CELF1: variants seen among roughly 807,000 people sequenced by gnomAD.
CELF1 encodes the protein 50 kDa nuclear polyadenylated RNA-binding protein.
A neutral mutation model predicts 61.8 loss-of-function variants in CELF1; 10 were observed. The ratio of observed to expected loss-of-function variants is 0.16; its 90% CI spans 0.10 to 0.27. The LOEUF is 0.27. CELF1 is among the 10% of genes least tolerant of loss of function. The probability of loss-of-function intolerance (pLI) is 1.00; values close to 1 mark genes in which losing one functional copy is unlikely to be tolerated. For missense variants in CELF1, 380 were observed against 639.1 expected (o/e 0.59, Z 4.37); for synonymous variants, 236 against 225.1 (o/e 1.05, Z -0.43).
At chr11:47,532,035 A>T (rs1002352148) in intron 1 of CELF1, among the ~76,000 whole-genome samples, 11 of 145,062 alleles carry the variant, frequency 7.6e-5, no homozygotes, top group East Asian at 4.0e-4. Context: ...TCTTATTTTT[A>T]TTTTTTTTTT....
chr11:47,550,757 T>A (rs904455489), intron 1 of CELF1, among the ~76,000 whole-genome samples: 17 of 151,960 alleles, frequency 1.1e-4, no homozygotes, highest in Non-Finnish European at 7.4e-5. Flanking sequence ...TAGAAAAAAA[T>A]CATTTTGGCT....
At chr11:47,545,855 G>A (rs568055259) in intron 1 of CELF1, among the ~76,000 whole-genome samples, 1 of 125,390 alleles carries the variant, frequency 8.0e-6, no homozygotes, top group African/African-American at 2.9e-5. Context: ...GTATACGTGT[G>A]TGTGTGTGTG....
intron 3 of CELF1, chr11:47,494,446 AT>A (rs2153516523): frequency 1.0e-6 from 1 of 982,640 alleles, no homozygotes; most frequent in Non-Finnish European, 1.2e-6. Context: ...GAAACATACT[AT>A]GAGAAAATAC....
At chr11:47,512,175 T>C (rs1440799667) in intron 1 of CELF1, among the ~76,000 whole-genome samples, 1 of 151,278 alleles carries the variant, frequency 6.6e-6, no homozygotes. Flanking sequence ...TGTTTTGAGA[T>C]GGAGTCCCGC....
chr11:47,553,187 G>C (rs980205500), upstream of CELF1: 7 of 392,242 alleles, frequency 1.8e-5, no homozygotes, highest in East Asian at 3.6e-5. Context: ...CAGAGGAGGA[G>C]GGGGAGCGCG....
intron 1 of CELF1, among the ~76,000 whole-genome samples, chr11:47,512,926 A>G (rs918951335): frequency 1.3e-5 from 2 of 152,180 alleles, no homozygotes; most frequent in African/African-American, 4.8e-5. Context: ...TAGGCTAAAC[A>G]GACTAAACTT....
chr11:47,561,550 T>C (rs978225863), intron 2 of CELF1, among the ~76,000 whole-genome samples: 1 of 151,516 alleles, frequency 6.6e-6, no homozygotes, highest in Non-Finnish European at 1.5e-5. Flanking sequence ...TGTGGCAACA[T>C]TGGAACCCTC....
chr11:47,494,786 C>A (rs555027552), intron 3 of CELF1, among the ~76,000 whole-genome samples: 1 of 152,328 alleles, frequency 6.6e-6, no homozygotes, highest in Non-Finnish European at 1.5e-5. Context: ...TATAGCTGCA[C>A]TGAGCAATAC....
chr11:47,496,016 A>G, intron 3 of CELF1: 1 of 985,178 alleles, frequency 1.0e-6, no homozygotes, highest in Non-Finnish European at 1.2e-6. Context: ...ACCCTTATAC[A>G]AGGTCCCTCT....
intron 9 of CELF1, among the ~76,000 whole-genome samples, chr11:47,481,329 C>G (rs1305746241): frequency 1.3e-5 from 2 of 151,842 alleles, no homozygotes; most frequent in African/African-American, 4.8e-5. Context: ...AGGGTTTCAC[C>G]ATGCTGGCCA....
At chr11:47,495,578 G>T (rs2092931649) in intron 3 of CELF1, among the ~76,000 whole-genome samples, 1 of 152,208 alleles carries the variant, frequency 6.6e-6, no homozygotes, top group South Asian at 2.1e-4. Flanking sequence ...ATGTGAAGGG[G>T]AGGGAGAAGG....
intron 1 of CELF1, among the ~76,000 whole-genome samples, chr11:47,506,694 T>A (rs1288229086): frequency 1.3e-5 from 2 of 152,334 alleles, no homozygotes; most frequent in East Asian, 3.9e-4. Flanking sequence ...AAGAAAATAT[T>A]TCTAGCTTCC....
intron 2 of CELF1, among the ~76,000 whole-genome samples, chr11:47,563,240 A>T (rs1388928528): frequency 1.3e-5 from 2 of 152,018 alleles, no homozygotes; most frequent in African/African-American, 2.4e-5. Context: ...AAAGAAAAGT[A>T]AAAAGAAGAA....
At chr11:47,527,975 A>T (rs766143578) in intron 1 of CELF1, among the ~76,000 whole-genome samples, 22 of 152,178 alleles carry the variant, frequency 1.4e-4, no homozygotes, top group Non-Finnish European at 2.4e-4. Context: ...GCATGCCTGT[A>T]ATCCCAGCTA....
At chr11:47,549,863 C>A (rs2153765356) in intron 1 of CELF1, among the ~76,000 whole-genome samples, 1 of 150,648 alleles carries the variant, frequency 6.6e-6, no homozygotes, top group South Asian at 2.1e-4. Context: ...GTTGCCCAGG[C>A]TGGAGTGCAG....
At chr11:47,550,057 C>T (rs1414583417) in intron 1 of CELF1, among the ~76,000 whole-genome samples, 3 of 151,782 alleles carry the variant, frequency 2.0e-5, no homozygotes, top group African/African-American at 7.3e-5. Context: ...CCTCGTGATC[C>T]GCCCACCTCA....
At chr11:47,505,261 G>A (rs1404409789) in intron 1 of CELF1, among the ~76,000 whole-genome samples, 1 of 151,116 alleles carries the variant, frequency 6.6e-6, no homozygotes, top group Non-Finnish European at 1.5e-5. Context: ...CACTAGTTCT[G>A]GAACTTAAGT....
At chr11:47,502,374 T>C (rs1444225936) in intron 1 of CELF1, among the ~76,000 whole-genome samples, 1 of 152,118 alleles carries the variant, frequency 6.6e-6, no homozygotes, top group Non-Finnish European at 1.5e-5. Context: ...CAGAAATTAA[T>C]CACAAGTCAA....
chr11:47,479,547 C>A (rs2081868332), intron 9 of CELF1, among the ~76,000 whole-genome samples: 1 of 152,238 alleles, frequency 6.6e-6, no homozygotes, highest in Non-Finnish European at 1.5e-5. Flanking sequence ...CCAAACTGGT[C>A]TTCCCTGTTG....
Sources: gnomAD v4.1 joint callset for allele counts (sites outside exome capture counted in the v4.1 genomes callset) on GRCh38, gnomAD v4.1.1 for gene constraint, MANE v1.5 for transcripts, NCBI Gene and HGNC (gene_info 2026-07-23, HGNC 2026-07-21) for gene names.